The following TIAM2 variants were observed in gnomAD, a reference collection of about 807,000 sequenced individuals.
The protein encoded by TIAM2 is rho guanine nucleotide exchange factor TIAM2.
A neutral mutation model predicts 152.9 loss-of-function variants in TIAM2; 80 were observed. The ratio of observed to expected loss-of-function variants is 0.52; its 90% confidence interval spans 0.44 to 0.63. TIAM2 has a LOEUF of 0.63. Among genes scored for constraint, TIAM2 ranks in the 30% least tolerant of loss-of-function variants. The pLI is 0.00. For synonymous variants in TIAM2, 804 were observed against 838.0 expected, an observed-to-expected ratio of 0.96 and a Z score of 0.70; for missense variants, 1,965 against 2,120.1, an observed-to-expected ratio of 0.93 and a Z score of 1.44.
At chr6:155,047,688 G>GAGAGAGAGGAGAGAGAGA (rs71023609) in intron 1 of TIAM2, among the ~76,000 whole-genome samples, 1 of 44,684 alleles carries the variant, frequency 2.2e-5, no homozygotes, top group African/African-American at 8.3e-5. Context: ...GAGAGAGAGA[G>GAGAGAGAGGAGAGAGAGA]GAGAGAGAGA....
In TIAM2 at chr6:155,195,461, T is replaced by C. The variant is rs113494722; in HGVS notation, c.3064+11961T>C. On this transcript the variant is annotated intron_variant, in intron 14 of 26. Coordinates refer to ENST00000682666, the MANE Select transcript of TIAM2 (RefSeq NM_012454.4). ...TTACTTTTCTCTGGTTTATCAAGTATTTAGTTACTGCCTGTTGTGTCAGGC... is the reference window on the plus strand; with the variant it reads ...TTACTTTTCTCTGGTTTATCAAGTACTTAGTTACTGCCTGTTGTGTCAGGC... 3.3e-4 allele frequency among the ~76,000 whole-genome samples: 50 copies of C among 152,332 alleles called. 2 individuals are homozygous for C. The highest frequency in any genetic ancestry group is 1.2e-3 in the African/African-American group (48 of 41,580).
At chr6:155,040,899 T>C (rs1777013444) in intron 1 of TIAM2, among the ~76,000 whole-genome samples, 1 of 152,164 alleles carries the variant, frequency 6.6e-6, no homozygotes, top group African/African-American at 2.4e-5. Context: ...ATGAAAATGA[T>C]GGCAAAAGTC....
intron 1 of TIAM2, among the ~76,000 whole-genome samples, chr6:155,027,750 G>A (rs1194329336): frequency 1.3e-4 from 6 of 46,320 alleles, no homozygotes; most frequent in African/African-American, 2.2e-4. Flanking sequence ...TATAATATAT[G>A]TACTGTGTTA....
intron 14 of TIAM2, among the ~76,000 whole-genome samples, chr6:155,192,920 A>G (rs1340662860): frequency 6.6e-6 from 1 of 152,232 alleles, no homozygotes; most frequent in Admixed American, 6.5e-5. Context: ...GGTTGGTTGC[A>G]ATGCGGAACC....
At chr6:155,078,987 G>T (rs1223542331) in intron 1 of TIAM2, among the ~76,000 whole-genome samples, 1 of 151,644 alleles carries the variant, frequency 6.6e-6, no homozygotes, top group Non-Finnish European at 1.5e-5. Flanking sequence ...TGTGTTTTTT[G>T]GTGTTTTTCT....
rs146995090 is a variant in TIAM2 at position 155,147,448 on chromosome 6, A to G, written c.1804-662A>G. On this transcript the variant is annotated intron_variant, in intron 6 of 26. Coordinates refer to ENST00000682666, the MANE Select transcript of TIAM2 (RefSeq NM_012454.4). ...CAGCTTCCCGAGTAGGTGGGATTTC[A>G]GGCATGCACCACCACACCCGGCTAA... 4.6e-3 allele frequency among the ~76,000 whole-genome samples: 707 copies of G among 152,118 alleles called. 2 individuals carry two copies. The highest frequency in any genetic ancestry group is 0.016 in the African/African-American group (664 of 41,492).
chr6:155,154,190 TAC>T (rs1246262206), intron 7 of TIAM2, among the ~76,000 whole-genome samples: 1 of 152,182 alleles, frequency 6.6e-6, no homozygotes, highest in Admixed American at 6.5e-5. Context: ...TCAATAAATA[TAC>T]ATTTATTTAT....
chr6:155,074,730 A>G (rs1321011113), intron 1 of TIAM2, among the ~76,000 whole-genome samples: 6 of 152,070 alleles, frequency 3.9e-5, no homozygotes, highest in African/African-American at 1.2e-4. Flanking sequence ...GTTCTTTCTA[A>G]GAGACTAAGA....
At chr6:155,121,723 A>T (rs2115024069) in intron 2 of TIAM2, among the ~76,000 whole-genome samples, 1 of 152,290 alleles carries the variant, frequency 6.6e-6, no homozygotes, top group Middle Eastern at 3.4e-3. Flanking sequence ...TTAGTATAAG[A>T]ATCTCTCTGG....
In TIAM2 at chr6:155,148,257, A is replaced by T. The variant is rs770582570; in HGVS notation, c.1951A>T (p.Ser651Cys). 6.2e-7 allele frequency: 1 copy of T among 1,612,708 alleles called. No individual in the cohort carries two copies. The highest frequency in any genetic ancestry group is 2.2e-5 in the East Asian group (1 of 44,882). Reference sequence around the variant, plus strand: ...CCTGCTTCAGAAGATAGACATGGACAGCAAGATGAAGAAGATGGCAGAGCT... The same window carrying T: ...CCTGCTTCAGAAGATAGACATGGACTGCAAGATGAAGAAGATGGCAGAGCT... ...KNLLQKIDMDSKMKKMAELQL... is the reference protein window; with the variant it reads ...KNLLQKIDMDCKMKKMAELQL... Residue 651 changes from serine (S) to cysteine (C), a missense_variant, in exon 7 of 27, where the codon AGC (serine) becomes TGC (cysteine). Physicochemically the swap from Ser to Cys is moderately radical, Grantham distance 112. This residue lies in a region of TIAM2 where 1,025 missense variants were observed against 1,119.4 expected (regional missense o/e 0.92). Coordinates refer to ENST00000682666, the MANE Select transcript of TIAM2 (RefSeq NM_012454.4).
At chr6:155,208,191 C>A in intron 14 of TIAM2, among the ~76,000 whole-genome samples, 1 of 152,138 alleles carries the variant, frequency 6.6e-6, no homozygotes, top group East Asian at 1.9e-4. Flanking sequence ...TTTGGAAATA[C>A]CAAGTCTTCT....
chr6:155,128,895 A>C (rs1246461380), intron 3 of TIAM2, among the ~76,000 whole-genome samples: 1 of 152,128 alleles, frequency 6.6e-6, no homozygotes, highest in African/African-American at 2.4e-5. Context: ...AATCATTCAA[A>C]GTCTCTCAAC....
chr6:155,080,960 A>G (rs1778049309), intron 1 of TIAM2, among the ~76,000 whole-genome samples: 1 of 152,122 alleles, frequency 6.6e-6, no homozygotes, highest in Non-Finnish European at 1.5e-5. Flanking sequence ...TTCTCTGGAG[A>G]GGTCTGTAGC....
At chr6:155,050,731 G>A (rs1298887178) in intron 1 of TIAM2, among the ~76,000 whole-genome samples, 1 of 152,188 alleles carries the variant, frequency 6.6e-6, no homozygotes, top group East Asian at 1.9e-4. Flanking sequence ...TTCAGTGAGT[G>A]AGTGTCCGTG....
chr6:155,207,948 G>A (rs1275370213), intron 14 of TIAM2, among the ~76,000 whole-genome samples: 5 of 152,026 alleles, frequency 3.3e-5, no homozygotes, highest in East Asian at 1.9e-4. Context: ...CTTGGCACCC[G>A]CTTTTGACAT....
Position 155,179,054 on chromosome 6 carries a change from C to T in TIAM2, c.2539C>T (p.Pro847Ser). 1 of 1,613,692 alleles carries T rather than the reference C, an allele frequency of 6.2e-7. No homozygotes were observed. Among genetic ancestry groups the T allele is most frequent in the Non-Finnish European group, 8.5e-7 (1 of 1,179,792 alleles). The change falls in exon 11 of 27, where the codon CCC becomes TCC. Residue 847 changes from proline (P) to serine (S), a missense_variant. Pro to Ser is a moderately conservative substitution (Grantham distance 74). This residue lies in a region of TIAM2 where 1,025 missense variants were observed against 1,119.4 expected (regional missense o/e 0.92). Coordinates refer to ENST00000682666, the MANE Select transcript of TIAM2 (RefSeq NM_012454.4). ...TLACKMRQLE[P>S]SHYGLQLRKL... is the part of the protein sequence containing the mutation. ...TTCTTTATAGATGAGGCAGTTGGAA[C>T]CCAGCCATTATGGCCTACAGCTTCG...
intron 7 of TIAM2, among the ~76,000 whole-genome samples, chr6:155,152,247 A>G (rs528775782): frequency 3.5e-4 from 54 of 152,370 alleles, no homozygotes; most frequent in Admixed American, 2.4e-3. Flanking sequence ...AGTTTTAACG[A>G]GGAAGCCAAA....
At chr6:155,167,315 G>A (rs1035280423) in intron 9 of TIAM2, among the ~76,000 whole-genome samples, 2 of 152,022 alleles carry the variant, frequency 1.3e-5, no homozygotes, top group African/African-American at 4.8e-5. Context: ...TCCACATCCT[G>A]GGTTCAAGCA....
In TIAM2 at chr6:155,189,112, A is replaced by G. The variant is rs1222415162; in HGVS notation, c.3064+5612A>G. ...TCTTGGGAATGTATGTGTCCATTAT[A>G]TAGCTTCTCACCAGGGAAAAGCATT... is the stretch of plus-strand genomic sequence containing the variant. On this transcript the variant is annotated intron_variant, in intron 14 of 26. Coordinates refer to ENST00000682666, the MANE Select transcript of TIAM2 (RefSeq NM_012454.4). 2.0e-5 allele frequency among the ~76,000 whole-genome samples: 3 copies of G among 152,204 alleles called. No homozygotes were observed. In the East Asian group the frequency reaches 5.8e-4, roughly 29 times the overall value.
Sources: gnomAD v4.1 joint callset for allele counts (sites outside exome capture counted in the v4.1 genomes callset) on GRCh38, gnomAD v4.1.1 for gene constraint, gnomAD v4.1.1 regional missense constraint, MANE v1.5 for transcripts, NCBI Gene and HGNC (gene_info 2026-07-23, HGNC 2026-07-21) for gene names.